Variants in OPRD1 observed in about 807,000 individuals in gnomAD.
OPRD1 encodes delta-type opioid receptor.
Under a neutral mutation model 17.5 loss-of-function variants are expected in OPRD1, and 19 were observed. The observed-to-expected ratio is 1.09, with a 90% confidence interval of 0.76 to 1.60. The LOEUF (loss-of-function observed/expected upper bound fraction) is 1.60, where lower values mean the gene tolerates loss of function less well. Ranked by LOEUF, OPRD1 falls within the 40% of genes most tolerant of loss-of-function variation. OPRD1 has a pLI of 0.00. For synonymous variants in OPRD1, 256 were observed against 240.9 expected (o/e 1.06, Z -0.58); for missense variants, 483 against 547.2 (o/e 0.88, Z 1.17).
intron 1 of OPRD1, among the ~76,000 whole-genome samples, chr1:28,855,610 C>T (rs1167226734): frequency 3.9e-5 from 6 of 152,148 alleles, no homozygotes; most frequent in Non-Finnish European, 5.9e-5. Context: ...GGGCAATCAG[C>T]GCTGGGCCGC....
At chr1:28,822,214 GT>G (rs1488518711) in intron 1 of OPRD1, among the ~76,000 whole-genome samples, 1 of 152,056 alleles carries the variant, frequency 6.6e-6, no homozygotes. Flanking sequence ...CTCCCAAAGT[GT>G]TGGGATTACA....
intron 1 of OPRD1, among the ~76,000 whole-genome samples, chr1:28,852,130 G>A (rs1190238558): frequency 7.3e-5 from 10 of 137,896 alleles, no homozygotes; most frequent in Non-Finnish European, 1.5e-5. Context: ...TCACGCAACT[G>A]CCCTCCAGCC....
At chr1:28,835,041 A>G (rs968729153) in intron 1 of OPRD1, among the ~76,000 whole-genome samples, 1 of 152,140 alleles carries the variant, frequency 6.6e-6, no homozygotes, top group Non-Finnish European at 1.5e-5. Flanking sequence ...TAGAGGGAGT[A>G]TATCCTTTGT....
chr1:28,823,358 G>T (rs567578962), intron 1 of OPRD1, among the ~76,000 whole-genome samples: 1 of 143,120 alleles, frequency 7.0e-6, no homozygotes. Flanking sequence ...CACTACACCC[G>T]GCTATTCTTT....
chr1:28,812,721 C>T, intron 1 of OPRD1, 111 bp downstream of exon 1: 1 of 989,054 alleles, frequency 1.0e-6, no homozygotes, highest in South Asian at 2.1e-5. Context: ...TCCGCATTTC[C>T]TGCAGGGGCA....
intron 1 of OPRD1, among the ~76,000 whole-genome samples, chr1:28,831,521 A>G (rs1000466244): frequency 1.3e-5 from 2 of 152,064 alleles, no homozygotes; most frequent in Non-Finnish European, 2.9e-5. Context: ...AAAAAAAAAA[A>G]AAGAGCTCAA....
At chr1:28,817,710 T>C (rs574894890) in intron 1 of OPRD1, among the ~76,000 whole-genome samples, 26 of 152,206 alleles carry the variant, frequency 1.7e-4, no homozygotes, top group African/African-American at 6.3e-4. Flanking sequence ...ACAGCTTAAC[T>C]TCCCTTTTTT....
rs1452853415 is a variant in OPRD1 at position 28,854,116 on chromosome 1, GTC to G, written c.228-4833_228-4832del. 5.9e-5 allele frequency among the ~76,000 whole-genome samples: 9 copies of G among 152,278 alleles called. No homozygotes were observed. The East Asian group carries it at 1.4e-3, about 23-fold the overall frequency. On this transcript the variant is annotated intron_variant, in intron 1 of 2. Transcript: ENST00000234961. The stretch of plus-strand genomic sequence containing the variant: ...TCCTCACCAAGTCATGATAGTGGCT[GTC>G]TCTCGGGAGAGAGGGCGTGCTACAC...
At chr1:28,824,989 G>A (rs925893243) in intron 1 of OPRD1, among the ~76,000 whole-genome samples, 1 of 151,582 alleles carries the variant, frequency 6.6e-6, no homozygotes. Context: ...CCACCACCGC[G>A]CCCGGCTAAT....
chr1:28,816,569 G>T (rs914461929), intron 1 of OPRD1, among the ~76,000 whole-genome samples: 3 of 152,292 alleles, frequency 2.0e-5, no homozygotes, highest in African/African-American at 4.8e-5. Flanking sequence ...GGGCCTGAGA[G>T]GGGCCTCTGG....
At chr1:28,835,272 C>G (rs1557572562) in intron 1 of OPRD1, among the ~76,000 whole-genome samples, 1 of 152,156 alleles carries the variant, frequency 6.6e-6, no homozygotes, top group Non-Finnish European at 1.5e-5. Flanking sequence ...GCTGCTCTTC[C>G]CTGGCTGCCA....
In OPRD1 at chr1:28,859,238, G is replaced by A. The variant is rs2147750502; in HGVS notation, c.512G>A (p.Cys171Tyr). 6.2e-7 allele frequency: 1 copy of A among 1,614,240 alleles called. No individual in the cohort carries two copies. Among genetic ancestry groups the A allele is most frequent in the East Asian group, 2.2e-5 (1 of 44,884 alleles). ...TPAKAKLINI[C>Y]IWVLASGVGV... ...GCCAAGGCCAAGCTGATCAACATCT[G>A]TATCTGGGTCCTGGCCTCAGGCGTT... Residue 171 changes from cysteine (C) to tyrosine (Y), a missense_variant, in exon 2 of 3, where the codon TGT becomes TAT. Coordinates refer to ENST00000234961, the MANE Select transcript of OPRD1 (RefSeq NM_000911.4).
chr1:28,834,053 A>G (rs2088829435), intron 1 of OPRD1, among the ~76,000 whole-genome samples: 1 of 152,110 alleles, frequency 6.6e-6, no homozygotes, highest in Non-Finnish European at 1.5e-5. Context: ...CTGGGATTAC[A>G]GGTGCACTCC....
intron 2 of OPRD1, among the ~76,000 whole-genome samples, chr1:28,859,735 T>C (rs1264144104): frequency 6.6e-6 from 1 of 152,166 alleles, no homozygotes; most frequent in Non-Finnish European, 1.5e-5. Context: ...GCAAGATCTG[T>C]GGTCCCATTT....
At chr1:28,847,826 G>A (rs1212089863) in intron 1 of OPRD1, among the ~76,000 whole-genome samples, 2 of 151,938 alleles carry the variant, frequency 1.3e-5, no homozygotes, top group Non-Finnish European at 2.9e-5. Flanking sequence ...GTGAGAACCT[G>A]CCTCAAAAAT....
chr1:28,850,306 T>C (rs369997580), intron 1 of OPRD1, among the ~76,000 whole-genome samples: 191 of 152,036 alleles, frequency 1.3e-3, no homozygotes, highest in African/African-American at 4.2e-3. Context: ...CTAGGCAACA[T>C]AGGGAGACTG....
chr1:28,866,379 G>A lies in OPRD1; in HGVS notation c.*3096G>A, dbSNP rs778220330. ...GGAAATAGCGTGTGCGGAGGCATGGGGATGTTTAAATGCTTGGCAAACCCA... is the reference window on the plus strand; with the variant it reads ...GGAAATAGCGTGTGCGGAGGCATGGAGATGTTTAAATGCTTGGCAAACCCA... On this transcript the variant is annotated 3_prime_UTR_variant, in exon 3 of 3. Coordinates refer to ENST00000234961, the MANE Select transcript of OPRD1 (RefSeq NM_000911.4). 4 of 152,268 alleles carry A rather than the reference G, an allele frequency of 2.6e-5. No individual in the cohort carries two copies. Among genetic ancestry groups the A allele is most frequent in the African/African-American group, 4.8e-5 (2 of 41,454 alleles). The allele number at this position is 152,268 out of a possible 1,614,324, so 9.4% of individuals were successfully genotyped here. A position where few individuals can be genotyped will look rare whatever the true frequency, so the allele number is the denominator to read the frequency against.
At chr1:28,856,450 C>A (rs1250759604) in intron 1 of OPRD1, among the ~76,000 whole-genome samples, 2 of 152,198 alleles carry the variant, frequency 1.3e-5, no homozygotes, top group South Asian at 4.1e-4. Context: ...ATACCTCAGG[C>A]CACGCTTTAA....
chr1:28,844,525 A>G (rs1453409198), intron 1 of OPRD1, among the ~76,000 whole-genome samples: 1 of 152,144 alleles, frequency 6.6e-6, no homozygotes, highest in Non-Finnish European at 1.5e-5. Context: ...TCTTGGACTC[A>G]AGCGATCCAC....
Sources: allele counts gnomAD v4.1 joint callset (sites outside exome capture counted in the v4.1 genomes callset), GRCh38; gene constraint gnomAD v4.1.1; transcripts MANE v1.5; gene names NCBI Gene and HGNC (gene_info 2026-07-23, HGNC 2026-07-21).